The following SLC35F4 variants were observed in gnomAD, a reference collection of about 807,000 sequenced individuals.
The protein encoded by SLC35F4 is chromosome 14 open reading frame 36.
SLC35F4 carries 24 observed loss-of-function variants against 44.2 expected under a neutral mutation model. The ratio of observed to expected loss-of-function variants is 0.54; its 90% CI spans 0.39 to 0.76. The LOEUF is 0.76. Ranked by LOEUF, SLC35F4 falls within the 30% of genes least tolerant of loss-of-function variation. The probability of loss-of-function intolerance (pLI) is 0.00; values close to 1 mark genes in which losing one functional copy is unlikely to be tolerated. For synonymous variants in SLC35F4, 238 were observed against 223.6 expected (o/e 1.06, Z -0.57); for missense variants, 562 against 586.1 (o/e 0.96, Z 0.42).
intron 1 of SLC35F4, among the ~76,000 whole-genome samples, chr14:57,744,689 TACCTTTCTTCAGAAA>T (rs2076708787): frequency 6.6e-6 from 1 of 151,848 alleles, no homozygotes; most frequent in African/African-American, 2.4e-5. Context: ...CCCCATCAGC[TACCTTTCTTCAGAAA>T]GAAAGCTGAC....
intron 1 of SLC35F4, among the ~76,000 whole-genome samples, chr14:57,928,884 C>T (rs916494257): frequency 6.6e-6 from 1 of 152,080 alleles, no homozygotes; most frequent in East Asian, 1.9e-4. Context: ...AATTTTACAA[C>T]TGAAAAATAC....
At chr14:57,694,695 G>A (rs1272905996) in intron 1 of SLC35F4, among the ~76,000 whole-genome samples, 1 of 151,992 alleles carries the variant, frequency 6.6e-6, no homozygotes, top group Non-Finnish European at 1.5e-5. Context: ...ATTTATTTCT[G>A]TCTTGTATTT....
intron 1 of SLC35F4, among the ~76,000 whole-genome samples, chr14:57,968,364 A>T (rs1468225924): frequency 6.6e-6 from 1 of 152,254 alleles, no homozygotes; most frequent in African/African-American, 2.4e-5. Flanking sequence ...CGCCCATTAC[A>T]CAATGGCACA....
chr14:57,978,857 C>T (rs910856438), intron 1 of SLC35F4, among the ~76,000 whole-genome samples: 5 of 152,298 alleles, frequency 3.3e-5, no homozygotes, highest in South Asian at 2.1e-4. Flanking sequence ...TCTTGGTCAT[C>T]GTTTGCTCCT....
intron 1 of SLC35F4, among the ~76,000 whole-genome samples, chr14:57,689,418 G>A (rs889450270): frequency 6.6e-5 from 10 of 152,168 alleles, no homozygotes; most frequent in African/African-American, 2.4e-4. Context: ...CATCTCAAAT[G>A]CTAAACTGCT....
chr14:57,673,462 T>C (rs752304585), intron 1 of SLC35F4, among the ~76,000 whole-genome samples: 2 of 152,094 alleles, frequency 1.3e-5, no homozygotes, highest in East Asian at 3.9e-4. Context: ...ATACCTTTCA[T>C]AGGGTCCAGG....
At chr14:57,645,037 T>G (rs1438306913) in intron 1 of SLC35F4, among the ~76,000 whole-genome samples, 1 of 152,210 alleles carries the variant, frequency 6.6e-6, no homozygotes, top group Non-Finnish European at 1.5e-5. Context: ...TGTAGTATAG[T>G]TTAAAGTCAG....
intron 1 of SLC35F4, among the ~76,000 whole-genome samples, chr14:57,641,171 T>C (rs57759435): frequency 0.13 from 20,214 of 151,462 alleles, 1,779 homozygotes; most frequent in East Asian, 0.22. Flanking sequence ...TTCTATTCAA[T>C]ATCAAAAGCA....
intron 1 of SLC35F4, among the ~76,000 whole-genome samples, chr14:57,859,341 T>C (rs942022882): frequency 6.6e-6 from 1 of 152,152 alleles, no homozygotes; most frequent in Non-Finnish European, 1.5e-5. Context: ...CGTGTGTCCA[T>C]GGGCATAAAA....
intron 1 of SLC35F4, among the ~76,000 whole-genome samples, chr14:57,696,728 A>G (rs1291820268): frequency 6.6e-6 from 1 of 152,256 alleles, no homozygotes; most frequent in East Asian, 1.9e-4. Context: ...ATGGAATATT[A>G]TGCAGCTGTA....
intron 1 of SLC35F4, among the ~76,000 whole-genome samples, chr14:57,689,086 C>A (rs183115420): frequency 6.6e-6 from 1 of 152,092 alleles, no homozygotes. Flanking sequence ...TTTTCTCTAT[C>A]CTCTCTTTCT....
intron 1 of SLC35F4, among the ~76,000 whole-genome samples, chr14:57,853,690 C>T (rs1018412356): frequency 6.6e-6 from 1 of 152,238 alleles, no homozygotes; most frequent in East Asian, 1.9e-4. Flanking sequence ...TGGCTATTTT[C>T]GACCATTTGG....
intron 1 of SLC35F4, among the ~76,000 whole-genome samples, chr14:57,903,471 A>T (rs1169351412): frequency 6.6e-6 from 1 of 152,236 alleles, no homozygotes; most frequent in African/African-American, 2.4e-5. Context: ...GTCAGAACAT[A>T]GTTTAGAAAG....
chr14:57,777,824 A>G (rs1595037075), intron 1 of SLC35F4, among the ~76,000 whole-genome samples: 1 of 151,666 alleles, frequency 6.6e-6, no homozygotes, highest in South Asian at 2.1e-4. Context: ...GGATAAAGAA[A>G]GGCAAGACCC....
At chr14:57,744,679 C>T (rs1594942712) in intron 1 of SLC35F4, among the ~76,000 whole-genome samples, 1 of 152,122 alleles carries the variant, frequency 6.6e-6, no homozygotes, top group East Asian at 1.9e-4. Flanking sequence ...TCAATGCCAT[C>T]CCCATCAGCT....
At chr14:57,611,085 G>A (rs534513865) in intron 1 of SLC35F4, among the ~76,000 whole-genome samples, 9 of 152,332 alleles carry the variant, frequency 5.9e-5, no homozygotes, top group Middle Eastern at 3.4e-3. Context: ...AAAGGCTGAG[G>A]CATAAACAGA....
chr14:57,775,383 C>T (rs1030730714), intron 1 of SLC35F4, among the ~76,000 whole-genome samples: 5 of 152,248 alleles, frequency 3.3e-5, no homozygotes, highest in African/African-American at 1.2e-4. Context: ...TTTTGGCTGG[C>T]ACCAGCCATT....
intron 1 of SLC35F4, among the ~76,000 whole-genome samples, chr14:57,632,934 A>G (rs2072853057): frequency 6.6e-6 from 1 of 151,848 alleles, no homozygotes; most frequent in Non-Finnish European, 1.5e-5. Flanking sequence ...TCATCTTTTC[A>G]CTGTCTCAAT....
intron 4 of SLC35F4, 125 bp from the exon 5 acceptor site, chr14:57,572,144 T>G (rs1280613534): frequency 9.1e-7 from 1 of 1,097,890 alleles, no homozygotes; most frequent in African/African-American, 1.6e-5. Context: ...GTACATCACT[T>G]TAAATGTAGG....
Sources: gnomAD v4.1 joint callset for allele counts (sites outside exome capture counted in the v4.1 genomes callset) on GRCh38, gnomAD v4.1.1 for gene constraint, MANE v1.5 for transcripts, NCBI Gene and HGNC (gene_info 2026-07-23, HGNC 2026-07-21) for gene names.